Variants in COMMD1 observed in about 807,000 individuals in gnomAD.
The protein encoded by COMMD1 is copper metabolism domain containing 1.
In COMMD1, 10 loss-of-function variants were observed where a neutral mutation model predicts 17.2. The ratio of observed to expected loss-of-function variants is 0.58; its 90% CI spans 0.36 to 0.99. COMMD1 has a LOEUF of 0.99. COMMD1 is among the 50% of genes least tolerant of loss of function. The pLI, the probability that COMMD1 is intolerant of heterozygous loss-of-function variation, is 0.01. For synonymous variants in COMMD1, 97 were observed against 91.6 expected (o/e 1.06, Z -0.34); for missense variants, 270 against 231.8 (o/e 1.17, Z -1.07).
intron 2 of COMMD1, among the ~76,000 whole-genome samples, chr2:62,043,474 G>T (rs1034805093): frequency 7.2e-5 from 11 of 152,098 alleles, no homozygotes; most frequent in African/African-American, 2.2e-4. Flanking sequence ...GCCCAGCCAG[G>T]TCTTATTCCT....
At chr2:62,131,863 C>A (rs1673044503) in intron 2 of COMMD1, among the ~76,000 whole-genome samples, 1 of 146,818 alleles carries the variant, frequency 6.8e-6, no homozygotes, top group Non-Finnish European at 1.5e-5. Context: ...TTTCTAAATA[C>A]ACACACACAC....
At chr2:61,986,818 C>G (rs1672118686) in intron 1 of COMMD1, among the ~76,000 whole-genome samples, 1 of 152,064 alleles carries the variant, frequency 6.6e-6, no homozygotes, top group Non-Finnish European at 1.5e-5. Flanking sequence ...ATCTGCCTGC[C>G]TTGGCCTCCC....
At chr2:62,131,420 C>T (rs1044830199) in intron 2 of COMMD1, among the ~76,000 whole-genome samples, 1 of 152,152 alleles carries the variant, frequency 6.6e-6, no homozygotes, top group Non-Finnish European at 1.5e-5. Context: ...CCAAGATGAC[C>T]ATGAAAACAG....
chr2:61,906,594 T>C (rs1459649310), intron 1 of COMMD1, among the ~76,000 whole-genome samples: 1 of 151,400 alleles, frequency 6.6e-6, no homozygotes, highest in Admixed American at 6.6e-5. Context: ...AACCATCATA[T>C]TGGACAACTC....
At chr2:61,950,828 A>C (rs922169077) in intron 1 of COMMD1, among the ~76,000 whole-genome samples, 3 of 152,180 alleles carry the variant, frequency 2.0e-5, no homozygotes, top group Admixed American at 2.0e-4. Flanking sequence ...GGGAGGGTGC[A>C]AGACTTCATC....
At chr2:61,924,905 G>A (rs1479063245) in intron 1 of COMMD1, among the ~76,000 whole-genome samples, 1 of 152,220 alleles carries the variant, frequency 6.6e-6, no homozygotes, top group Non-Finnish European at 1.5e-5. Context: ...GTCTGGAATA[G>A]AGGAGGTAAC....
chr2:62,132,007 G>C (rs1287778782), intron 2 of COMMD1, among the ~76,000 whole-genome samples: 3 of 151,956 alleles, frequency 2.0e-5, no homozygotes, highest in Non-Finnish European at 4.4e-5. Context: ...TCCTGCCTCA[G>C]CCTCCTGAGT....
intron 1 of COMMD1, among the ~76,000 whole-genome samples, chr2:61,990,485 C>G (rs1309525194): frequency 6.6e-6 from 1 of 152,140 alleles, no homozygotes; most frequent in Non-Finnish European, 1.5e-5. Context: ...TCCAGGAGTT[C>G]AAGACCAGCC....
intron 1 of COMMD1, among the ~76,000 whole-genome samples, chr2:61,981,513 T>TATGCCAGTACC (rs1384824484): frequency 6.6e-6 from 1 of 152,206 alleles, no homozygotes; most frequent in African/African-American, 2.4e-5. Flanking sequence ...TGTCTGTTTT[T>TATGCCAGTACC]ATGCCAGTAC....
At chr2:61,917,596 C>T (rs1670082496) in intron 1 of COMMD1, among the ~76,000 whole-genome samples, 2 of 151,912 alleles carry the variant, frequency 1.3e-5, no homozygotes, top group Admixed American at 1.3e-4. Context: ...GCCGTGATCT[C>T]GGCTCACTGC....
At chr2:61,898,373 G>A (rs1473070378) in intron 1 of COMMD1, among the ~76,000 whole-genome samples, 1 of 152,170 alleles carries the variant, frequency 6.6e-6, no homozygotes, top group Non-Finnish European at 1.5e-5. Context: ...CTATGCGGGA[G>A]GTTGAGGCAG....
At chr2:61,983,136 G>T (rs1672001083) in intron 1 of COMMD1, among the ~76,000 whole-genome samples, 1 of 151,412 alleles carries the variant, frequency 6.6e-6, no homozygotes, top group South Asian at 2.1e-4. Context: ...AAAGTCAGCA[G>T]CAAAGCCCTG....
intron 1 of COMMD1, among the ~76,000 whole-genome samples, chr2:61,974,030 C>T (rs1671722710): frequency 6.6e-6 from 1 of 152,238 alleles, no homozygotes; most frequent in Non-Finnish European, 1.5e-5. Context: ...CGCGATGGCT[C>T]ACGCCAGTAA....
intron 2 of COMMD1, among the ~76,000 whole-genome samples, chr2:62,042,702 C>T (rs1473805278): frequency 6.6e-6 from 1 of 152,210 alleles, no homozygotes; most frequent in Non-Finnish European, 1.5e-5. Context: ...GAGCGGATGC[C>T]GAGGCTGAGG....
chr2:62,056,810 C>T (rs1399419377), intron 2 of COMMD1, among the ~76,000 whole-genome samples: 16 of 152,170 alleles, frequency 1.1e-4, no homozygotes, highest in Non-Finnish European at 1.8e-4. Context: ...TCGACTTTGT[C>T]CATGCTAGAA....
chr2:62,124,931 C>T (rs185943760), intron 2 of COMMD1, among the ~76,000 whole-genome samples: 5 of 152,278 alleles, frequency 3.3e-5, no homozygotes, highest in East Asian at 3.9e-4. Flanking sequence ...ATGTCTCTTT[C>T]TTCCTTGAGT....
At chr2:62,086,847 T>A (rs531199720) in intron 2 of COMMD1, among the ~76,000 whole-genome samples, 21 of 150,822 alleles carry the variant, frequency 1.4e-4, no homozygotes, top group African/African-American at 5.1e-4. Flanking sequence ...AGAATTTCTT[T>A]TTTGTTTTTG....
At chr2:62,017,775 C>T (rs936259568) in intron 2 of COMMD1, among the ~76,000 whole-genome samples, 13 of 151,584 alleles carry the variant, frequency 8.6e-5, no homozygotes, top group Admixed American at 3.9e-4. Flanking sequence ...TGGTGGCTCA[C>T]GCCTATAATA....
intron 1 of COMMD1, among the ~76,000 whole-genome samples, chr2:61,926,947 G>A (rs1670343678): frequency 6.6e-6 from 1 of 152,106 alleles, no homozygotes; most frequent in Non-Finnish European, 1.5e-5. Context: ...ATTGAGACGT[G>A]CCTCAGTCAC....
Sources: gnomAD v4.1 joint callset for allele counts (sites outside exome capture counted in the v4.1 genomes callset) on GRCh38, gnomAD v4.1.1 for gene constraint, MANE v1.5 for transcripts, NCBI Gene and HGNC (gene_info 2026-07-23, HGNC 2026-07-21) for gene names.